Variants in MPPED2 observed in about 807,000 individuals in gnomAD.
The protein encoded by MPPED2 is metallophosphoesterase MPPED2.
In MPPED2, 5 loss-of-function variants were observed where a neutral mutation model predicts 33.0. That is an observed-to-expected ratio of 0.15 (90% CI 0.08 to 0.32). The LOEUF (loss-of-function observed/expected upper bound fraction) is 0.32. Among genes scored for constraint, MPPED2 ranks in the 10% least tolerant of loss-of-function variants. The pLI is 1.00. For synonymous variants in MPPED2, 136 were observed against 141.9 expected, an observed-to-expected ratio of 0.96 and a Z score of 0.29; for missense variants, 275 against 372.1, an observed-to-expected ratio of 0.74 and a Z score of 2.15.
At chr11:30,415,877 C>T (rs1948329981) in intron 5 of MPPED2, among the ~76,000 whole-genome samples, 2 of 152,292 alleles carry the variant, frequency 1.3e-5, no homozygotes, top group South Asian at 4.1e-4. Context: ...GTAAATGTTT[C>T]TCTGCTGAAG....
intron 6 of MPPED2, among the ~76,000 whole-genome samples, chr11:30,402,964 G>C (rs781737455): frequency 3.6e-4 from 55 of 152,192 alleles, no homozygotes; most frequent in Non-Finnish European, 5.7e-4. Context: ...AAACAATGTA[G>C]GCCGGGCGCA....
chr11:30,434,947 A>G (rs1949260140), intron 4 of MPPED2, among the ~76,000 whole-genome samples: 1 of 152,176 alleles, frequency 6.6e-6, no homozygotes, highest in Non-Finnish European at 1.5e-5. Context: ...TAAAGTTGAG[A>G]TCCAAACTCA....
intron 3 of MPPED2, among the ~76,000 whole-genome samples, chr11:30,503,937 T>C (rs777559642): frequency 3.3e-5 from 5 of 152,144 alleles, no homozygotes; most frequent in Non-Finnish European, 5.9e-5. Context: ...CCCTTGGTAA[T>C]GTGCTAGAAA....
intron 1 of MPPED2, chr11:30,584,376 A>ACACACACACACCCC (rs1309532203): frequency 2.7e-5 from 2 of 72,828 alleles, no homozygotes; most frequent in African/African-American, 7.6e-5. Context: ...ACACACACAC[A>ACACACACACACCCC]CCACATACAC....
At chr11:30,543,792 CTTTTTTTTTT>C (rs35206591) in intron 2 of MPPED2, among the ~76,000 whole-genome samples, 58 of 106,630 alleles carry the variant, frequency 5.4e-4, no homozygotes, top group Non-Finnish European at 8.1e-4. Flanking sequence ...TGGCGTTGTT[CTTTTTTTTTT>C]TTTTTTTTTT....
chr11:30,417,471 G>T, intron 5 of MPPED2, 47 bp downstream of exon 5: 1 of 1,078,474 alleles, frequency 9.3e-7, no homozygotes, highest in Non-Finnish European at 1.4e-6. Flanking sequence ...ATTATGCCTG[G>T]AAAAAAAGGC....
chr11:30,450,017 G>A (rs1004967586), intron 4 of MPPED2, among the ~76,000 whole-genome samples: 8 of 152,092 alleles, frequency 5.3e-5, no homozygotes, highest in Non-Finnish European at 1.0e-4. Flanking sequence ...AATTTTCTGT[G>A]GAGCCCCTGT....
chr11:30,560,954 TAAC>T (rs1325237789), intron 2 of MPPED2, among the ~76,000 whole-genome samples: 2 of 152,198 alleles, frequency 1.3e-5, no homozygotes, highest in African/African-American at 4.8e-5. Flanking sequence ...CCAATATGCT[TAAC>T]AACGTGGCTT....
downstream of MPPED2, among the ~76,000 whole-genome samples, chr11:30,408,600 G>A (rs1266458838): frequency 6.6e-6 from 1 of 152,256 alleles, no homozygotes; most frequent in South Asian, 2.1e-4. Flanking sequence ...GTGAGCCACC[G>A]TGCCTGTCTT....
intron 4 of MPPED2, among the ~76,000 whole-genome samples, chr11:30,456,101 C>T (rs1365930831): frequency 1.3e-5 from 2 of 152,180 alleles, no homozygotes; most frequent in African/African-American, 4.8e-5. Flanking sequence ...TATGGAAAAG[C>T]TGCATTATAT....
chr11:30,521,019 A>G (rs1565149278), intron 3 of MPPED2, among the ~76,000 whole-genome samples: 2 of 152,180 alleles, frequency 1.3e-5, no homozygotes, highest in Non-Finnish European at 2.9e-5. Flanking sequence ...AAAATGCACA[A>G]CTATCCCCAC....
At chr11:30,560,560 A>T (rs1399370128) in intron 2 of MPPED2, among the ~76,000 whole-genome samples, 1 of 152,160 alleles carries the variant, frequency 6.6e-6, no homozygotes, top group Non-Finnish European at 1.5e-5. Context: ...TCTAGCAACT[A>T]ACATAAGTGA....
chr11:30,552,707 C>A (rs1955772597), intron 2 of MPPED2, among the ~76,000 whole-genome samples: 1 of 152,058 alleles, frequency 6.6e-6, no homozygotes, highest in Admixed American at 6.6e-5. Context: ...TGGGATATTT[C>A]ACAGGTTAGT....
Position 30,411,228 on chromosome 11 carries a change from G to A in MPPED2, c.*240C>T. 8.8e-7 allele frequency: 1 copy of A among 1,138,928 alleles called. No homozygotes were observed. Among genetic ancestry groups the A allele is most frequent in the Non-Finnish European group, 1.1e-6 (1 of 926,664 alleles). The allele number at this position is 1,138,928 out of a possible 1,614,324, so 70.6% of individuals were successfully genotyped here. A position where few individuals can be genotyped will look rare whatever the true frequency, so the allele number is the denominator to read the frequency against. ...TGGCGAACACTAACAATTTACAATGGCATGGCCTTTGAGAAAACAGAAGTC... is the reference window on the plus strand; with the variant it reads ...TGGCGAACACTAACAATTTACAATGACATGGCCTTTGAGAAAACAGAAGTC... On this transcript the variant is annotated 3_prime_UTR_variant, in exon 7 of 7. Coordinates refer to ENST00000358117, the MANE Select transcript of MPPED2 (RefSeq NM_001584.3).
chr11:30,483,146 C>A (rs377374295), intron 4 of MPPED2, among the ~76,000 whole-genome samples: 31 of 152,106 alleles, frequency 2.0e-4, no homozygotes, highest in African/African-American at 7.2e-4. Context: ...AAGGTCAGAC[C>A]CAGCATTGTA....
chr11:30,462,896 G>T (rs1193346939), intron 4 of MPPED2, among the ~76,000 whole-genome samples: 1 of 152,162 alleles, frequency 6.6e-6, no homozygotes, highest in African/African-American at 2.4e-5. Flanking sequence ...CATATGAAGA[G>T]ATTTTAAATC....
intron 4 of MPPED2, among the ~76,000 whole-genome samples, chr11:30,452,905 G>C (rs1285383342): frequency 6.6e-6 from 1 of 152,108 alleles, no homozygotes; most frequent in Non-Finnish European, 1.5e-5. Context: ...GAGCCTTGGT[G>C]GGGGCAGCTA....
intron 1 of MPPED2, 23 bp from the exon 2 acceptor site, chr11:30,580,517 A>G: frequency 7.1e-7 from 1 of 1,416,512 alleles, no homozygotes; most frequent in South Asian, 1.7e-5. Context: ...AAAAATGTAT[A>G]TAAAATGAGA....
At chr11:30,541,686 G>C (rs2134535223) in intron 2 of MPPED2, among the ~76,000 whole-genome samples, 1 of 152,244 alleles carries the variant, frequency 6.6e-6, no homozygotes, top group East Asian at 1.9e-4. Context: ...TCTGCCTCCT[G>C]GGTTCAAGCA....
Sources: allele counts gnomAD v4.1 joint callset (sites outside exome capture counted in the v4.1 genomes callset), GRCh38; gene constraint gnomAD v4.1.1; transcripts MANE v1.5; gene names NCBI Gene and HGNC (gene_info 2026-07-23, HGNC 2026-07-21).